TMEM232: variants seen among roughly 807,000 people sequenced by gnomAD.
TMEM232 encodes transmembrane protein 232.
A neutral mutation model predicts 78.8 loss-of-function variants in TMEM232; 80 were observed. The observed-to-expected ratio is 1.01, with a 90% confidence interval of 0.85 to 1.22. The LOEUF (loss-of-function observed/expected upper bound fraction) is 1.22, where lower values mean the gene tolerates loss of function less well. Among genes scored for constraint, TMEM232 ranks in the 50% most tolerant of loss-of-function variants. TMEM232 has a pLI of 0.00. For missense variants in TMEM232, 881 were observed against 742.2 expected, an observed-to-expected ratio of 1.19 and a Z score of -2.17; for synonymous variants, 297 against 254.3, an observed-to-expected ratio of 1.17 and a Z score of -1.60.
At chr5:110,631,672 C>A (rs1430396156) in intron 5 of TMEM232, among the ~76,000 whole-genome samples, 2 of 152,190 alleles carry the variant, frequency 1.3e-5, no homozygotes, top group Admixed American at 1.3e-4. Flanking sequence ...AAGGGCAGGG[C>A]TCCTTACCTT....
chr5:110,614,230 A>C (rs551037825), intron 8 of TMEM232, among the ~76,000 whole-genome samples: 1 of 152,140 alleles, frequency 6.6e-6, no homozygotes, highest in African/African-American at 2.4e-5. Context: ...TCCCAGAAAA[A>C]GTCAGGATTC....
At chr5:110,577,482 G>A (rs1038567326) in intron 10 of TMEM232, among the ~76,000 whole-genome samples, 14 of 151,920 alleles carry the variant, frequency 9.2e-5, no homozygotes, top group African/African-American at 3.4e-4. Flanking sequence ...AAAGACCTAA[G>A]GACAGAAATA....
At chr5:110,648,089 A>C (rs985560673) in intron 2 of TMEM232, among the ~76,000 whole-genome samples, 19 of 152,056 alleles carry the variant, frequency 1.2e-4, no homozygotes, top group African/African-American at 4.6e-4. Flanking sequence ...AAATAGAAAC[A>C]TGGAGAAAAG....
At chr5:110,536,631 T>C (rs1258119168) in intron 11 of TMEM232, among the ~76,000 whole-genome samples, 1 of 152,194 alleles carries the variant, frequency 6.6e-6, no homozygotes, top group Non-Finnish European at 1.5e-5. Context: ...TCTTTTTTCA[T>C]GCTAAATTCT....
rs531307463 is a variant in TMEM232, at chr5:110,429,132, A to G, written c.1704-4216T>C. On this transcript the variant is annotated intron_variant, in intron 12 of 13. Transcript: ENST00000455884. ...TTCTCTCCAGAAACTTGAAGTTCAC[A>G]TGGGGGAAGACATATAAACAGCCAT... Among the ~76,000 whole-genome samples the G allele has an allele frequency of 3.9e-5, 6 of 151,966 alleles. No individual in the cohort carries two copies. The East Asian group carries it at 7.7e-4, about 20-fold the overall frequency.
At chr5:110,737,776 T>C (rs1799342671) in intron 1 of TMEM232, among the ~76,000 whole-genome samples, 1 of 152,222 alleles carries the variant, frequency 6.6e-6, no homozygotes, top group African/African-American at 2.4e-5. Flanking sequence ...ATGTCATTTT[T>C]CTGTTTGTGA....
At chr5:110,528,175 A>G (rs184844422) in intron 12 of TMEM232, among the ~76,000 whole-genome samples, 7 of 152,036 alleles carry the variant, frequency 4.6e-5, no homozygotes, top group Non-Finnish European at 7.4e-5. Context: ...ATAAAATCTA[A>G]TTAGCCTCAT....
downstream of TMEM232, chr5:110,417,828 T>A (rs1032784752): frequency 6.6e-6 from 1 of 152,114 alleles, no homozygotes; most frequent in African/African-American, 2.4e-5. Flanking sequence ...AGGAAGCACA[T>A]CAGGAAGAGT....
In TMEM232 at chr5:110,627,818, A is replaced by T. The variant is rs1296276285; in HGVS notation, c.564T>A (p.Phe188Leu). The change falls in exon 6 of 14, where the codon TTT (phenylalanine) becomes TTA (leucine). Residue 188 changes from phenylalanine (F) to leucine (L), a missense_variant. By Grantham distance (22) the Phe-to-Leu change is conservative. Coordinates refer to ENST00000455884, the MANE Select transcript of TMEM232 (RefSeq NM_001039763.4). Reference protein sequence around the residue: ...IFFLHGHLESFKQHLLRLQPY... With the variant: ...IFFLHGHLESLKQHLLRLQPY... The stretch of plus-strand genomic sequence containing the variant: ...GTTGAAGCCTAAGTAAATGTTGTTT[A>T]AAACTTTCTAGATGACCATGCAGGA... 10 of 1,536,434 alleles carry T rather than the reference A, an allele frequency of 6.5e-6. No individual in the cohort carries two copies. Among genetic ancestry groups the T allele is most frequent in the Non-Finnish European group, 8.8e-6 (10 of 1,142,734 alleles).
intron 1 of TMEM232, among the ~76,000 whole-genome samples, chr5:110,686,140 C>T (rs769393509): frequency 1.7e-4 from 26 of 151,968 alleles, no homozygotes; most frequent in Non-Finnish European, 3.2e-4. Context: ...TGCCACTCCC[C>T]CAAACAAGAG....
At chr5:110,389,645 G>T (rs533427682) in intron 4 of TMEM232, among the ~76,000 whole-genome samples, 1 of 152,242 alleles carries the variant, frequency 6.6e-6, no homozygotes, top group African/African-American at 2.4e-5. Context: ...CAAACTTATT[G>T]CACGACCTTG....
intron 1 of TMEM232, among the ~76,000 whole-genome samples, chr5:110,687,171 A>G (rs1210491617): frequency 1.5e-4 from 23 of 152,116 alleles, no homozygotes; most frequent in Admixed American, 1.5e-3. Context: ...TGCCTCACCC[A>G]TTATCTTCAT....
Position 110,696,938 on chromosome 5 carries a change from A to T in TMEM232, c.-12-29574T>A, listed in dbSNP as rs533040496. On this transcript the variant is annotated intron_variant, in intron 1 of 13. Transcript: ENST00000455884. The stretch of plus-strand genomic sequence containing the variant: ...CCAATGAGTTTCTTCACGGAATTGG[A>T]AAAAACTACTTTAAAGTTCATATGG... Among the ~76,000 whole-genome samples the T allele has an allele frequency of 5.9e-5, 9 of 152,256 alleles. No individual in the cohort carries two copies. In the East Asian group the frequency reaches 1.7e-3, roughly 29 times the overall value.
intron 7 of TMEM232, 99 bp downstream of exon 7, chr5:110,625,168 C>T (rs2149933133): frequency 8.0e-7 from 1 of 1,245,370 alleles, no homozygotes; most frequent in South Asian, 2.3e-5. Context: ...CTCATCATTC[C>T]TCAATGTCTA....
chr5:110,605,099 A>G lies in TMEM232; in HGVS notation c.1276+10T>C. 1 of 1,525,352 alleles carries G rather than the reference A, an allele frequency of 6.6e-7. No individual in the cohort carries two copies. Among genetic ancestry groups the G allele is most frequent in the Non-Finnish European group, 8.8e-7 (1 of 1,132,322 alleles). The allele number at this position is 1,525,352 out of a possible 1,614,324, so 94.5% of individuals were successfully genotyped here. A position where few individuals can be genotyped will look rare whatever the true frequency, so the allele number is the denominator to read the frequency against. ...ATATTACTCATCAAAGTAAAAAACA[A>G]TCTACTTACAGTTCTCTGACATTTT... is the stretch of plus-strand genomic sequence containing the variant. On this transcript the variant is annotated intron_variant, in intron 10 of 13. Coordinates refer to ENST00000455884, the MANE Select transcript of TMEM232 (RefSeq NM_001039763.4).
Position 110,472,646 on chromosome 5 carries a change from A to T in TMEM232, c.1704-47730T>A, listed in dbSNP as rs188997956. Among the ~76,000 whole-genome samples, 395 of 152,128 alleles carry T rather than the reference A, an allele frequency of 2.6e-3. 2 individuals are homozygous for T. The highest frequency in any genetic ancestry group is 9.1e-3 in the African/African-American group (380 of 41,564). On this transcript the variant is annotated intron_variant, in intron 12 of 13. Coordinates refer to ENST00000455884, the MANE Select transcript of TMEM232 (RefSeq NM_001039763.4). Reference sequence around the variant, plus strand: ...CAAATAAACACAACAACACAGCTGAAGGCATCTCACTACCTAACTTCAAAA... The same window carrying T: ...CAAATAAACACAACAACACAGCTGATGGCATCTCACTACCTAACTTCAAAA...
At chr5:110,671,462 A>G (rs995484075) in intron 1 of TMEM232, among the ~76,000 whole-genome samples, 8 of 152,162 alleles carry the variant, frequency 5.3e-5, no homozygotes, top group African/African-American at 1.7e-4. Flanking sequence ...TGTTTACTGC[A>G]GCACTATTCA....
chr5:110,633,652 C>A (rs879324273), intron 5 of TMEM232, among the ~76,000 whole-genome samples: 4 of 152,068 alleles, frequency 2.6e-5, no homozygotes, highest in Admixed American at 2.6e-4. Context: ...GTAAAGAAGG[C>A]CCTTGCTTCT....
chr5:110,638,414 G>T (rs1313029897), intron 4 of TMEM232, 59 bp from the exon 5 acceptor site: 3 of 1,416,594 alleles, frequency 2.1e-6, no homozygotes, highest in Non-Finnish European at 2.8e-6. Context: ...TTTTCCACAT[G>T]CTATAATTAC....
Sources: allele counts gnomAD v4.1 joint callset (sites outside exome capture counted in the v4.1 genomes callset), GRCh38; gene constraint gnomAD v4.1.1; transcripts MANE v1.5; gene names NCBI Gene and HGNC (gene_info 2026-07-23, HGNC 2026-07-21).